PPP2R2C: variants seen among roughly 807,000 people sequenced by gnomAD.
PPP2R2C encodes protein phosphatase 2, regulatory subunit B, gamma.
In PPP2R2C, 10 loss-of-function variants were observed where a neutral mutation model predicts 45.3. The observed-to-expected ratio is 0.22, with a 90% CI of 0.14 to 0.37. PPP2R2C has a LOEUF of 0.37. Among genes scored for constraint, PPP2R2C ranks in the 10% least tolerant of loss-of-function variants. The pLI, the probability that PPP2R2C is intolerant of heterozygous loss-of-function variation, is 1.00. For synonymous variants in PPP2R2C, 257 were observed against 245.4 expected (o/e 1.05, Z -0.44); for missense variants, 308 against 619.7 (o/e 0.50, Z 5.34).
intron 2 of PPP2R2C, chr4:6,535,125 G>A (rs1048877268): frequency 3.2e-6 from 3 of 936,246 alleles, no homozygotes; most frequent in East Asian, 2.7e-5. Context: ...GGGCCCAGGG[G>A]CCAGAGCAGG....
chr4:6,512,241 G>T (rs1723622680), intron 2 of PPP2R2C, among the ~76,000 whole-genome samples: 1 of 79,982 alleles, frequency 1.3e-5, no homozygotes, highest in Non-Finnish European at 2.6e-5. Context: ...TGATGGTGGG[G>T]GTGGTGGTGG....
intron 6 of PPP2R2C, among the ~76,000 whole-genome samples, chr4:6,346,653 G>T (rs1711973024): frequency 6.6e-6 from 1 of 152,224 alleles, no homozygotes; most frequent in South Asian, 2.1e-4. Context: ...GAGGAGATGA[G>T]GGGGTGGATG....
rs200839226 is a variant in PPP2R2C at position 6,510,975 on chromosome 4, TCAAA to T, written c.49+24292_49+24295del. On this transcript the variant is annotated intron_variant, in intron 2 of 9. Coordinates refer to the PPP2R2C transcript ENST00000506140. ...CTCGGCAACAGAGTGAGACTCCGTC[TCAAA>T]CAAAAAAAAACAAACAAACAAAAAA... 8.5e-4 allele frequency among the ~76,000 whole-genome samples: 32 copies of T among 37,746 alleles called. 1 individual carries two copies. The highest frequency in any genetic ancestry group is 3.1e-3 in the African/African-American group (30 of 9,646). The allele number at this position is 37,746 out of a possible 152,430, so 24.8% of individuals were successfully genotyped here.
chr4:6,492,549 C>A (rs1323826510), intron 2 of PPP2R2C, among the ~76,000 whole-genome samples: 4 of 152,228 alleles, frequency 2.6e-5, no homozygotes, highest in Non-Finnish European at 4.4e-5. Flanking sequence ...AACCCCCCAC[C>A]CATCTGAACT....
In PPP2R2C at chr4:6,543,175, G is replaced by A. The variant is rs541378087; in HGVS notation, c.-58-7798C>T. Among the ~76,000 whole-genome samples the A allele has an allele frequency of 2.4e-4, 36 of 152,296 alleles. No individual in the cohort carries two copies. In the East Asian group the frequency reaches 5.6e-3, roughly 24 times the overall value. On this transcript the variant is annotated intron_variant, in intron 1 of 9. Coordinates refer to the PPP2R2C transcript ENST00000506140. ...CCATCTGGGCCCAAGGCAGGACGGCGTGGATGCACCACCGCAGCCCCTGAG... is the reference window on the plus strand; with the variant it reads ...CCATCTGGGCCCAAGGCAGGACGGCATGGATGCACCACCGCAGCCCCTGAG...
chr4:6,489,622 A>G (rs1206212415), intron 2 of PPP2R2C, among the ~76,000 whole-genome samples: 1 of 152,160 alleles, frequency 6.6e-6, no homozygotes, highest in Non-Finnish European at 1.5e-5. Context: ...TGTCATATTT[A>G]TTTTATTTGG....
chr4:6,327,545 T>C (rs972791331), intron 8 of PPP2R2C, among the ~76,000 whole-genome samples: 1 of 152,204 alleles, frequency 6.6e-6, no homozygotes, highest in African/African-American at 2.4e-5. Context: ...TGGAATCAGC[T>C]TGTTACAGCT....
Position 6,329,303 on chromosome 4 carries a change from G to A in PPP2R2C, c.1011C>T (p.Cys337=). Residue 337 remains cysteine, a synonymous_variant, in exon 8 of 9, where the codon TGC becomes TGT. Transcript: ENST00000382599. This position sits in a 1 kb window ranked among gnomAD's most constrained non-coding sequence, Gnocchi z 5.8. ...AGGCACATTCAAACTTGTCGAAAAT[G>A]CAGTCGTTCTCGTACAGGGAACAGA... ...SKLCSLYEND[C]IFDKFECAWN... 6.2e-7 allele frequency: 1 copy of A among 1,614,220 alleles called. No homozygotes were observed. Among genetic ancestry groups the A allele is most frequent in the Non-Finnish European group, 8.5e-7 (1 of 1,180,028 alleles).
rs35392985 is a variant in PPP2R2C at position 6,483,113 on chromosome 4, G to GGATA, written c.49+52154_49+52157dup. Reference sequence around the variant, plus strand: ...GTAATTAGATGACTGATAGATAAATGGATAGATAGATAGATAGATAGATAG... The same window carrying GGATA: ...GTAATTAGATGACTGATAGATAAATGGATAGATAGATAGATAGATAGATAGATAG... On this transcript the variant is annotated intron_variant, in intron 2 of 9. Transcript: ENST00000506140. Among the ~76,000 whole-genome samples the GGATA allele has an allele frequency of 1.9e-3, 271 of 140,870 alleles. 1 individual carries two copies. The highest frequency in any genetic ancestry group is 6.5e-3 in the African/African-American group (250 of 38,552). The allele number at this position is 140,870 out of a possible 152,430, so 92.4% of individuals were successfully genotyped here.
intron 2 of PPP2R2C, among the ~76,000 whole-genome samples, chr4:6,529,315 C>T (rs1724317986): frequency 6.6e-6 from 1 of 152,254 alleles, no homozygotes; most frequent in Non-Finnish European, 1.5e-5. Flanking sequence ...GAGCCTCAGA[C>T]TGGCCTCTCC....
At chr4:6,543,083 G>A (rs893497881) in intron 1 of PPP2R2C, among the ~76,000 whole-genome samples, 5 of 152,178 alleles carry the variant, frequency 3.3e-5, no homozygotes, top group African/African-American at 4.8e-5. Flanking sequence ...CGCAGCAGGC[G>A]GGGTGCTGTC....
At chr4:6,555,036 G>A (rs1318119070) in intron 1 of PPP2R2C, among the ~76,000 whole-genome samples, 2 of 152,074 alleles carry the variant, frequency 1.3e-5, no homozygotes, top group Non-Finnish European at 2.9e-5. Flanking sequence ...CAATTCTGGA[G>A]GCTGAGAAGT....
At chr4:6,457,027 G>T (rs1721076991) in intron 1 of PPP2R2C, among the ~76,000 whole-genome samples, 3 of 152,068 alleles carry the variant, frequency 2.0e-5, no homozygotes, top group African/African-American at 7.2e-5. Flanking sequence ...GACCAACATG[G>T]TTGAAATTCC....
At chr4:6,392,696 AGGCC>A (rs1716736338) in intron 1 of PPP2R2C, among the ~76,000 whole-genome samples, 1 of 152,220 alleles carries the variant, frequency 6.6e-6, no homozygotes, top group Non-Finnish European at 1.5e-5. Flanking sequence ...TGCACCCAGC[AGGCC>A]GGGAGAGGCC....
chr4:6,354,298 G>A (rs1255683636), intron 5 of PPP2R2C, among the ~76,000 whole-genome samples: 4 of 151,892 alleles, frequency 2.6e-5, no homozygotes, highest in African/African-American at 4.8e-5. Flanking sequence ...CACCTTGGCC[G>A]CTTCTCCCTC....
At chr4:6,385,984 T>C (rs1313455581) in intron 1 of PPP2R2C, among the ~76,000 whole-genome samples, 1 of 152,212 alleles carries the variant, frequency 6.6e-6, no homozygotes, top group African/African-American at 2.4e-5. Flanking sequence ...CGCCGCACTA[T>C]GGTTGACCAC....
At chr4:6,554,474 A>G (rs1725294964) in intron 1 of PPP2R2C, among the ~76,000 whole-genome samples, 1 of 152,050 alleles carries the variant, frequency 6.6e-6, no homozygotes, top group Non-Finnish European at 1.5e-5. Context: ...TCTTCAAGCC[A>G]CTCTGTGTGT....
rs145590993 is a variant in PPP2R2C at position 6,498,171 on chromosome 4, A to G, written c.49+37100T>C. Among the ~76,000 whole-genome samples the G allele has an allele frequency of 3.3e-3, 504 of 152,336 alleles. 1 individual carries two copies. The highest frequency in any genetic ancestry group is 0.012 in the African/African-American group (482 of 41,574). Reference sequence around the variant, plus strand: ...CATAGAAATTAGCACATCACCCTACACACATCGACAAGGAATACGAAATGA... The same window carrying G: ...CATAGAAATTAGCACATCACCCTACGCACATCGACAAGGAATACGAAATGA... On this transcript the variant is annotated intron_variant, in intron 2 of 9. Coordinates refer to the PPP2R2C transcript ENST00000506140.
intron 2 of PPP2R2C, among the ~76,000 whole-genome samples, chr4:6,497,160 C>T (rs4234752): frequency 0.93 from 141,488 of 152,180 alleles, 66,680 homozygotes; most frequent in East Asian, 1. Flanking sequence ...CCATGAGCAC[C>T]GGCAGGACAC....
Sources: allele counts gnomAD v4.1 joint callset (sites outside exome capture counted in the v4.1 genomes callset), GRCh38; gene constraint gnomAD v4.1.1; non-coding constraint Gnocchi (gnomAD v3.1); transcripts MANE v1.5; gene names NCBI Gene and HGNC (gene_info 2026-07-23, HGNC 2026-07-21).